Variants in CAMTA1 observed in about 807,000 individuals in gnomAD.
CAMTA1 encodes the protein calmodulin binding transcription activator 1, also known as calmodulin-binding transcription activator 1.
A neutral mutation model predicts 170.9 loss-of-function variants in CAMTA1; 27 were observed. The observed-to-expected ratio is 0.16, with a 90% CI of 0.12 to 0.22. CAMTA1 has a LOEUF of 0.22. CAMTA1 is among the 10% of genes least tolerant of loss of function. The pLI, the probability that CAMTA1 is intolerant of heterozygous loss-of-function variation, is 1.00. For missense variants in CAMTA1, 1,619 were observed against 2,217.2 expected (o/e 0.73, Z 5.42); for synonymous variants, 833 against 891.5 (o/e 0.93, Z 1.17).
chr1:6,786,349 G>A (rs1366491684), intron 1 of CAMTA1, among the ~76,000 whole-genome samples: 1 of 152,102 alleles, frequency 6.6e-6, no homozygotes, highest in Non-Finnish European at 1.5e-5. Flanking sequence ...AGCCAGGAGG[G>A]TGGGGTCTCC....
intron 3 of CAMTA1, among the ~76,000 whole-genome samples, chr1:7,005,751 A>G (rs11120815): frequency 0.011 from 1,613 of 152,358 alleles, 31 homozygotes; most frequent in African/African-American, 0.037. Flanking sequence ...GAGGGACCCC[A>G]GTCCAGAAGG....
chr1:7,035,494 G>A (rs1703457311), intron 3 of CAMTA1, among the ~76,000 whole-genome samples: 1 of 152,144 alleles, frequency 6.6e-6, no homozygotes, highest in South Asian at 2.1e-4. Flanking sequence ...TTTTCTGTAA[G>A]CACATGGCAA....
chr1:7,555,131 G>A (rs74055135), intron 6 of CAMTA1, among the ~76,000 whole-genome samples: 126 of 152,174 alleles, frequency 8.3e-4, no homozygotes, highest in African/African-American at 2.9e-3. Flanking sequence ...AGCCTGCAGC[G>A]AGATGGGTGT....
intron 3 of CAMTA1, among the ~76,000 whole-genome samples, chr1:6,927,677 T>C (rs1683586604): frequency 6.6e-6 from 1 of 152,248 alleles, no homozygotes; most frequent in Non-Finnish European, 1.5e-5. Flanking sequence ...TCAGAAGACA[T>C]GCAGGACAGT....
intron 3 of CAMTA1, among the ~76,000 whole-genome samples, chr1:6,828,630 CTG>C: frequency 6.6e-6 from 1 of 152,028 alleles, no homozygotes; most frequent in South Asian, 2.1e-4. Context: ...TTACTACTGA[CTG>C]GGTATTTTAT....
chr1:6,792,687 T>C (rs1280251637), intron 1 of CAMTA1, among the ~76,000 whole-genome samples: 4 of 152,270 alleles, frequency 2.6e-5, no homozygotes, highest in Non-Finnish European at 5.9e-5. Context: ...AGTGTTTGGC[T>C]CTATCCTGAC....
intron 3 of CAMTA1, among the ~76,000 whole-genome samples, chr1:6,917,365 G>A (rs957227702): frequency 6.6e-6 from 1 of 152,158 alleles, no homozygotes; most frequent in Non-Finnish European, 1.5e-5. Context: ...GCCAGCTGAT[G>A]AGATATCTGA....
chr1:6,849,241 A>G (rs888390571), intron 3 of CAMTA1, among the ~76,000 whole-genome samples: 1 of 152,204 alleles, frequency 6.6e-6, no homozygotes, highest in African/African-American at 2.4e-5. Context: ...TTCAGGACAT[A>G]CTGTATTTTC....
chr1:7,554,549 C>T (rs1333780189), intron 6 of CAMTA1, among the ~76,000 whole-genome samples: 2 of 152,154 alleles, frequency 1.3e-5, no homozygotes, highest in African/African-American at 4.8e-5. Context: ...TCAGTAGAAG[C>T]CCATGAATAA....
chr1:7,648,686 T>C (rs1368386432), intron 7 of CAMTA1, among the ~76,000 whole-genome samples: 2 of 152,056 alleles, frequency 1.3e-5, no homozygotes, highest in Non-Finnish European at 2.9e-5. Context: ...CCGGCTGCAG[T>C]CTTACCCTGG....
rs1220700421 is a variant in CAMTA1, at chr1:6,824,080, A to G, written c.116-1012A>G. 2.0e-5 allele frequency among the ~76,000 whole-genome samples: 3 copies of G among 152,190 alleles called. No homozygotes were observed. In the East Asian group the frequency reaches 5.8e-4, roughly 29 times the overall value. The stretch of plus-strand genomic sequence containing the variant: ...TGTTATAAAACCTTATTATATCATG[A>G]AAAGTTGTTTCAACTGTGACTTACT... On this transcript the variant is annotated intron_variant, in intron 2 of 22. Transcript: ENST00000303635.
intron 6 of CAMTA1, among the ~76,000 whole-genome samples, chr1:7,536,385 C>T (rs76873966): frequency 6.6e-6 from 1 of 152,160 alleles, no homozygotes; most frequent in Non-Finnish European, 1.5e-5. Context: ...GGAGGAGGTG[C>T]CTGCCCCTGG....
rs1366030528 is a variant in CAMTA1 at position 7,588,729 on chromosome 1, GC to G, written c.511-51667del. Among the ~76,000 whole-genome samples, 17 of 152,284 alleles carry G rather than the reference GC, an allele frequency of 1.1e-4. No individual in the cohort carries two copies. The highest frequency in any genetic ancestry group is 1.5e-4 in the Non-Finnish European group (10 of 68,020). The stretch of plus-strand genomic sequence containing the variant: ...TCTGCTCTCTGCCAGTGAGGTACCT[GC>G]CCCTGGAGCGGGACCAACAGCTCCA... On this transcript the variant is annotated intron_variant, in intron 6 of 22. Transcript: ENST00000303635. The surrounding 1 kb of genome is among the most constrained non-coding windows in gnomAD (Gnocchi z 5.8).
chr1:6,825,858 A>C (rs1428774914), intron 3 of CAMTA1, among the ~76,000 whole-genome samples: 1 of 152,140 alleles, frequency 6.6e-6, no homozygotes, highest in African/African-American at 2.4e-5. Flanking sequence ...TTGCTTTGTC[A>C]TCTTTTTTAT....
intron 4 of CAMTA1, among the ~76,000 whole-genome samples, chr1:7,134,508 A>G (rs1238487149): frequency 6.6e-6 from 1 of 152,008 alleles, no homozygotes; most frequent in Non-Finnish European, 1.5e-5. Context: ...AGGTCTCACT[A>G]TGTTGTCCAG....
At chr1:7,445,460 C>T (rs1383508016) in intron 5 of CAMTA1, among the ~76,000 whole-genome samples, 2 of 152,052 alleles carry the variant, frequency 1.3e-5, no homozygotes, top group African/African-American at 2.4e-5. Flanking sequence ...ACAGATGGTA[C>T]AGTGAGGCTG....
chr1:7,659,023 T>C (rs2995027), intron 7 of CAMTA1, among the ~76,000 whole-genome samples: 147,033 of 152,320 alleles, frequency 0.97, 70,989 homozygotes, highest in East Asian at 1. Context: ...CCATCCCCCT[T>C]AGTGACCCAC....
intron 4 of CAMTA1, among the ~76,000 whole-genome samples, chr1:7,215,556 G>A (rs937668427): frequency 2.6e-5 from 4 of 152,102 alleles, no homozygotes; most frequent in African/African-American, 9.7e-5. Flanking sequence ...ACCACACCTG[G>A]CTAATTTTTG....
intron 4 of CAMTA1, among the ~76,000 whole-genome samples, chr1:7,131,588 T>G (rs2148540088): frequency 6.6e-6 from 1 of 152,196 alleles, no homozygotes. Flanking sequence ...AAATGATTAT[T>G]CTTTTTCCAT....
Sources: allele counts gnomAD v4.1 joint callset (sites outside exome capture counted in the v4.1 genomes callset), GRCh38; gene constraint gnomAD v4.1.1; non-coding constraint Gnocchi (gnomAD v3.1); transcripts MANE v1.5; gene names NCBI Gene and HGNC (gene_info 2026-07-23, HGNC 2026-07-21).